FBXL17: variants seen among roughly 807,000 people sequenced by gnomAD.
FBXL17 encodes F-box/LRR-repeat protein 17.
Under a neutral mutation model 66.2 loss-of-function variants are expected in FBXL17, and 22 were observed. The ratio of observed to expected loss-of-function variants is 0.33; its 90% CI spans 0.24 to 0.47. FBXL17 has a LOEUF of 0.47. Among genes scored for constraint, FBXL17 ranks in the 20% least tolerant of loss-of-function variants. The probability of loss-of-function intolerance (pLI) is 1.00; values close to 1 mark genes in which losing one functional copy is unlikely to be tolerated. For synonymous variants in FBXL17, 474 were observed against 400.5 expected, an observed-to-expected ratio of 1.18 and a Z score of -2.19; for missense variants, 878 against 948.2, an observed-to-expected ratio of 0.93 and a Z score of 0.97.
rs149087600 is a variant in FBXL17, at chr5:108,322,367, G to A, written c.1506+26032C>T. On this transcript the variant is annotated intron_variant, in intron 4 of 8. Transcript: ENST00000542267. ...AACACTTTCAGAGGAGAAAAAAAGG[G>A]AACAATCTTATGAACCAATTATGAA... Among the ~76,000 whole-genome samples the A allele has an allele frequency of 2.9e-3, 437 of 151,972 alleles. 3 individuals are homozygous for A. Among genetic ancestry groups the A allele is most frequent in the African/African-American group, 0.01 (426 of 41,494 alleles).
intron 7 of FBXL17, among the ~76,000 whole-genome samples, chr5:108,004,009 A>T (rs1403859535): frequency 6.6e-6 from 1 of 152,198 alleles, no homozygotes; most frequent in Non-Finnish European, 1.5e-5. Context: ...AAAAAGAAAC[A>T]CATAGGAAGA....
At chr5:108,167,707 A>G (rs1752463372) in intron 6 of FBXL17, among the ~76,000 whole-genome samples, 1 of 152,228 alleles carries the variant, frequency 6.6e-6, no homozygotes, top group African/African-American at 2.4e-5. Context: ...GTCAAGAATC[A>G]GATGAAAATG....
intron 6 of FBXL17, among the ~76,000 whole-genome samples, chr5:108,132,046 G>A (rs139789819): frequency 0.011 from 1,639 of 151,196 alleles, 39 homozygotes; most frequent in African/African-American, 0.037. Context: ...GCATGATCTC[G>A]GTTCATCGCA....
At chr5:107,875,961 G>A (rs1030316646) in intron 8 of FBXL17, among the ~76,000 whole-genome samples, 14 of 152,276 alleles carry the variant, frequency 9.2e-5, no homozygotes, top group East Asian at 5.8e-4. Flanking sequence ...GGCTCTTCAC[G>A]CCTGTGTAAT....
At chr5:107,911,680 T>C (rs951728122) in intron 7 of FBXL17, among the ~76,000 whole-genome samples, 2 of 152,022 alleles carry the variant, frequency 1.3e-5, no homozygotes, top group Admixed American at 6.6e-5. Context: ...CTAAAGCACA[T>C]AAAGGAATAG....
intron 6 of FBXL17, among the ~76,000 whole-genome samples, chr5:108,172,835 T>C (rs1395490819): frequency 2.0e-5 from 3 of 152,172 alleles, no homozygotes; most frequent in Admixed American, 2.0e-4. Context: ...AGTTTAGCTC[T>C]TGTTGCCCAG....
intron 4 of FBXL17, among the ~76,000 whole-genome samples, chr5:108,288,025 A>G (rs940146796): frequency 3.3e-5 from 5 of 152,070 alleles, no homozygotes; most frequent in Non-Finnish European, 7.4e-5. Context: ...AGAAAACCAA[A>G]TACTACATGT....
Position 108,264,458 on chromosome 5 carries a change from T to C in FBXL17, c.1507-40230A>G, listed in dbSNP as rs138674256. On this transcript the variant is annotated intron_variant, in intron 4 of 8. Transcript: ENST00000542267. ...CCAAAAAAGAGAGAGTAGGTAAAAA[T>C]AGTCAACTTTATAAATCATTATATA... is the stretch of plus-strand genomic sequence containing the variant. Among the ~76,000 whole-genome samples the C allele has an allele frequency of 6.6e-3, 998 of 152,108 alleles. 17 individuals carry two copies. Among genetic ancestry groups the C allele is most frequent in the African/African-American group, 0.023 (948 of 41,496 alleles).
chr5:107,900,433 AAACT>A (rs1372709118), intron 7 of FBXL17, among the ~76,000 whole-genome samples: 1 of 152,200 alleles, frequency 6.6e-6, no homozygotes, highest in Non-Finnish European at 1.5e-5. Context: ...AGTTATAAAC[AAACT>A]ATTAGTTTAA....
intron 7 of FBXL17, among the ~76,000 whole-genome samples, chr5:108,001,782 G>C (rs1398380303): frequency 2.0e-5 from 3 of 151,956 alleles, no homozygotes; most frequent in Admixed American, 6.6e-5. Flanking sequence ...TTATAGGTGT[G>C]AGCCACCGTG....
intron 5 of FBXL17, among the ~76,000 whole-genome samples, chr5:108,207,430 T>C (rs918873761): frequency 3.9e-5 from 6 of 152,178 alleles, no homozygotes; most frequent in Non-Finnish European, 8.8e-5. Flanking sequence ...CCTGCACCCA[T>C]CAACCCATCA....
intron 4 of FBXL17, among the ~76,000 whole-genome samples, chr5:108,260,456 A>C (rs959517958): frequency 3.1e-4 from 47 of 152,164 alleles, no homozygotes; most frequent in African/African-American, 8.0e-4. Context: ...TCTACCTATT[A>C]AAGAAATACA....
intron 4 of FBXL17, among the ~76,000 whole-genome samples, chr5:108,233,993 C>A (rs1755484725): frequency 6.6e-6 from 1 of 152,026 alleles, no homozygotes; most frequent in African/African-American, 2.4e-5. Flanking sequence ...AAAGCCCCTG[C>A]AGGAGGTGGA....
At chr5:108,026,956 A>T (rs1227948495) in intron 6 of FBXL17, among the ~76,000 whole-genome samples, 1 of 152,172 alleles carries the variant, frequency 6.6e-6, no homozygotes, top group African/African-American at 2.4e-5. Context: ...TTTAAGGAAA[A>T]GGAGGCAGAG....
chr5:107,924,062 T>C (rs1224078205), intron 7 of FBXL17, among the ~76,000 whole-genome samples: 10 of 6,158 alleles, frequency 1.6e-3, no homozygotes, highest in African/African-American at 6.8e-3. Flanking sequence ...AGCTTAGTGT[T>C]TTTTTTTTTT....
At chr5:108,305,893 G>A (rs1376045474) in intron 4 of FBXL17, among the ~76,000 whole-genome samples, 2 of 151,962 alleles carry the variant, frequency 1.3e-5, no homozygotes, top group Non-Finnish European at 2.9e-5. Context: ...TACCCTTATT[G>A]TATGATACAT....
At chr5:107,954,750 T>C (rs927043159) in intron 7 of FBXL17, among the ~76,000 whole-genome samples, 145 of 152,172 alleles carry the variant, frequency 9.5e-4, no homozygotes, top group African/African-American at 2.5e-3. Context: ...CAGATGACTA[T>C]AAATGAAGGA....
chr5:108,182,038 A>G (rs1753025447), intron 6 of FBXL17, among the ~76,000 whole-genome samples: 1 of 152,190 alleles, frequency 6.6e-6, no homozygotes, highest in Non-Finnish European at 1.5e-5. Flanking sequence ...GTGCCTATCA[A>G]TTACCTGAGT....
intron 5 of FBXL17, among the ~76,000 whole-genome samples, chr5:108,201,926 A>C (rs1753914558): frequency 6.6e-6 from 1 of 151,858 alleles, no homozygotes. Flanking sequence ...CTCATGTGTT[A>C]GAGACCAGAT....
Sources: gnomAD v4.1 joint callset for allele counts (sites outside exome capture counted in the v4.1 genomes callset) on GRCh38, gnomAD v4.1.1 for gene constraint, MANE v1.5 for transcripts, NCBI Gene and HGNC (gene_info 2026-07-23, HGNC 2026-07-21) for gene names.